The following IRX3 variants were observed in gnomAD, a reference collection of about 807,000 sequenced individuals.
IRX3 encodes the protein iroquois-class homeodomain protein IRX-3.
IRX3 carries 20 observed loss-of-function variants against 36.4 expected under a neutral mutation model. The ratio of observed to expected loss-of-function variants is 0.55; its 90% CI spans 0.39 to 0.80. IRX3 has a LOEUF of 0.80. Among genes scored for constraint, IRX3 ranks in the 30% least tolerant of loss-of-function variants. The pLI, the probability that IRX3 is intolerant of heterozygous loss-of-function variation, is 0.00. For synonymous variants in IRX3, 404 were observed against 351.6 expected (o/e 1.15, Z -1.67); for missense variants, 718 against 733.2 (o/e 0.98, Z 0.24).
chr16:54,285,968 C>T lies in IRX3; in HGVS notation c.83G>A (p.Gly28Asp). 1 of 1,388,708 alleles carries T rather than the reference C, an allele frequency of 7.2e-7. No individual in the cohort carries two copies. The highest frequency in any genetic ancestry group is 3.6e-5 in the Admixed American group (1 of 27,398). 86.0% of individuals were successfully genotyped at this position (1,388,708 alleles called of 1,614,324 possible). Reference sequence around the variant, plus strand: ...CAGGCCGCCCCGGGCCCCCGCGCTGCCGCCGCTGCCGCCAGCGGCCCCCGG... The same window carrying T: ...CAGGCCGCCCCGGGCCCCCGCGCTGTCGCCGCTGCCGCCAGCGGCCCCCGG... ...ERPGAAGGSGGSAGARGGLGA... is the reference protein window; with the variant it reads ...ERPGAAGGSGDSAGARGGLGA... The change falls in exon 1 of 4, where the codon GGC (glycine) becomes GAC (aspartate). Residue 28 changes from glycine (G) to aspartate (D), a missense_variant. Transcript: ENST00000329734. This position sits in a 1 kb window ranked among gnomAD's most constrained non-coding sequence, Gnocchi z 5.7.
chr16:54,284,180 T>C lies in IRX3; in HGVS notation c.1451+66A>G. The C allele has an allele frequency of 6.9e-7, 1 of 1,459,388 alleles. No homozygotes were observed. The highest frequency in any genetic ancestry group is 9.5e-7 in the Non-Finnish European group (1 of 1,052,538). 90.4% of individuals were successfully genotyped at this position (1,459,388 alleles called of 1,614,324 possible). On this transcript the variant is annotated intron_variant, in intron 3 of 3. Coordinates refer to ENST00000329734, the MANE Select transcript of IRX3 (RefSeq NM_024336.3). The surrounding 1 kb of genome is among the most constrained non-coding windows in gnomAD (Gnocchi z 4.0). ...CCCCGGGGCAAAAGGCCGTGCGTGG[T>C]GCTCGGCGTCCTCTCCTTTCCCCGC...
Position 54,285,057 on chromosome 16 carries a change from C to A in IRX3, c.824G>T (p.Arg275Leu), listed in dbSNP as rs1412690265. Residue 275 changes from arginine (R) to leucine (L), a missense_variant, in exon 2 of 4, where the codon CGC becomes CTC. By Grantham distance (102) the Arg-to-Leu change is moderately radical (BLOSUM62 -2). Around this residue, in one of 3 missense-constraint regions of IRX3, gnomAD observed 468 missense variants for 462.1 expected, o/e 1.01. Coordinates refer to ENST00000329734, the MANE Select transcript of IRX3 (RefSeq NM_024336.3). The surrounding 1 kb of genome is among the most constrained non-coding windows in gnomAD (Gnocchi z 5.7). ...EPELSLAGAA[R>L]RDGDLGLGPI... ...TCCCAGGCCTAGGTCGCCATCCCTG[C>A]GCGCCGCCCCAGCCAGGGACAGCTC... 6.2e-7 allele frequency: 1 copy of A among 1,613,884 alleles called. No homozygotes were observed.
In IRX3 at chr16:54,284,656, T is replaced by A; in HGVS notation, c.1225A>T (p.Thr409Ser). The change falls in exon 2 of 4, where the codon ACC (threonine) becomes TCC (serine). Residue 409 changes from threonine (T) to serine (S), a missense_variant. Transcript: ENST00000329734. The surrounding 1 kb of genome is among the most constrained non-coding windows in gnomAD (Gnocchi z 4.0). The part of the protein sequence containing the change: ...SAPLGKFPAW[T>S]NRPFPGPPPG... ...GGTGGGCCTGGAAACGGCCGGTTGG[T>A]CCAAGCCGGGAACTTGCCCAGCGGC... 7.2e-7 allele frequency: 1 copy of A among 1,392,202 alleles called. No homozygotes were observed. The highest frequency in any genetic ancestry group is 9.2e-7 in the Non-Finnish European group (1 of 1,086,358). 86.2% of individuals were successfully genotyped at this position (1,392,202 alleles called of 1,614,324 possible).
Position 54,286,377 on chromosome 16 carries a change from CCG to C in IRX3, c.-329_-328del. 5.1e-6 allele frequency: 5 copies of C among 987,162 alleles called. No individual in the cohort carries two copies. The highest frequency in any genetic ancestry group is 4.8e-6 in the Non-Finnish European group (4 of 831,282). 61.2% of individuals were successfully genotyped at this position (987,162 alleles called of 1,614,324 possible). On this transcript the variant is annotated 5_prime_UTR_variant, in exon 1 of 4. Transcript: ENST00000329734. The stretch of plus-strand genomic sequence containing the variant: ...TCTCGGCCGCCGGAGCTGCCTCTGC[CCG>C]CTCCTCGCTCCTCACTGCCCTCCTC...
In IRX3 at chr16:54,285,254, C is replaced by A. The variant is rs1408569958; in HGVS notation, c.627G>T (p.Glu209Asp). ...CCTCCTCTTCGTCTTCCTCCTCGCG[C>A]TCGCTCCCATAAGCGTTTCCCTCCT... is the stretch of plus-strand genomic sequence containing the variant. ...TDEEGNAYGS[E>D]REEEDEEEDE... The change falls in exon 2 of 4, where the codon GAG becomes GAT. Residue 209 changes from glutamate to aspartate, a missense_variant. Glu to Asp is a conservative substitution (Grantham distance 45). This residue lies in a region of IRX3 where 468 missense variants were observed against 462.1 expected (regional missense o/e 1.01). Coordinates refer to ENST00000329734, the MANE Select transcript of IRX3 (RefSeq NM_024336.3). This position sits in a 1 kb window ranked among gnomAD's most constrained non-coding sequence, Gnocchi z 5.7. 2 of 1,613,708 alleles carry A rather than the reference C, an allele frequency of 1.2e-6. No homozygotes were observed. The highest frequency in any genetic ancestry group is 1.7e-6 in the Non-Finnish European group (2 of 1,179,926).
Position 54,286,350 on chromosome 16 carries a change from C to G in IRX3, c.-300G>C. On this transcript the variant is annotated 5_prime_UTR_variant, in exon 1 of 4. Transcript: ENST00000329734. Reference sequence around the variant, plus strand: ...CCCTCCTCTCTGCGCCGCGCTCCCTCCTCTCGGCCGCCGGAGCTGCCTCTG... The same window carrying G: ...CCCTCCTCTCTGCGCCGCGCTCCCTGCTCTCGGCCGCCGGAGCTGCCTCTG... 1.0e-6 allele frequency: 1 copy of G among 988,558 alleles called. No individual in the cohort carries two copies. The highest frequency in any genetic ancestry group is 1.2e-6 in the Non-Finnish European group (1 of 832,276). The allele number at this position is 988,558 out of a possible 1,614,324, so 61.2% of individuals were successfully genotyped here.
At position 54,286,440 on chromosome 16, in the gene IRX3, C is replaced by T. The variant is rs1372190518; in HGVS notation, c.-390G>A. 1.0e-6 allele frequency: 1 copy of T among 972,928 alleles called. No individual in the cohort carries two copies. The highest frequency in any genetic ancestry group is 1.2e-6 in the Non-Finnish European group (1 of 818,522). 60.3% of individuals were successfully genotyped at this position (972,928 alleles called of 1,614,324 possible). ...TGTCGCGCCTCGCTTCCTTCGCCCT[C>T]CTCTAGTTTTCACTCCCCCTCCTCG... On this transcript the variant is annotated 5_prime_UTR_variant, in exon 1 of 4. Transcript: ENST00000329734.
rs1901334102 is a variant in IRX3, at chr16:54,286,131, C to T, written c.-81G>A. 1 of 1,161,186 alleles carries T rather than the reference C, an allele frequency of 8.6e-7. No homozygotes were observed. Among genetic ancestry groups the T allele is most frequent in the African/African-American group, 1.6e-5 (1 of 61,162 alleles). The allele number at this position is 1,161,186 out of a possible 1,614,324, so 71.9% of individuals were successfully genotyped here. A position where few individuals can be genotyped will look rare whatever the true frequency, so the allele number is the denominator to read the frequency against. ...AGCGCCGCCCGCGGGCTCCGGCGCG[C>T]ATCGGGGGCTGGGCCGGGCTTGGGG... is the stretch of plus-strand genomic sequence containing the variant. On this transcript the variant is annotated 5_prime_UTR_variant, in exon 1 of 4. It removes an upstream start codon present in the reference 5' UTR. Transcript: ENST00000329734.
At position 54,285,610 on chromosome 16, in the gene IRX3, C is replaced by A; in HGVS notation, c.271G>T (p.Ala91Ser). 6.6e-7 allele frequency: 1 copy of A among 1,516,342 alleles called. No individual in the cohort carries two copies. The allele number at this position is 1,516,342 out of a possible 1,614,324, so 93.9% of individuals were successfully genotyped here. A position where few individuals can be genotyped will look rare whatever the true frequency, so the allele number is the denominator to read the frequency against. Reference sequence around the variant, plus strand: ...GGGCTGTCCTTCAGCTCATACTGCGCGCCCTGTACGCACATGGAGAAGGAA... The same window carrying A: ...GGGCTGTCCTTCAGCTCATACTGCGAGCCCTGTACGCACATGGAGAAGGAA... ...AELPIFPQLG[A>S]QYELKDSPGV... The change falls in exon 2 of 4, where the codon GCG (alanine) becomes TCG (serine). Residue 91 changes from alanine to serine, a missense_variant. Transcript: ENST00000329734. The surrounding 1 kb of genome is among the most constrained non-coding windows in gnomAD (Gnocchi z 5.7).
rs754047258 is a variant in IRX3 at position 54,284,344 on chromosome 16, C to A, written c.1385-32G>T. ...GAAGCGGGGGAAGAAAAAGGAGGGC[C>A]TTTAGAGCGCTCGGTGCCGGCGCCC... is the stretch of plus-strand genomic sequence containing the variant. On this transcript the variant is annotated intron_variant, in intron 2 of 3. Coordinates refer to ENST00000329734, the MANE Select transcript of IRX3 (RefSeq NM_024336.3). The surrounding 1 kb of genome is among the most constrained non-coding windows in gnomAD (Gnocchi z 4.0). 5 of 1,587,498 alleles carry A rather than the reference C, an allele frequency of 3.1e-6. No individual in the cohort carries two copies. The highest frequency in any genetic ancestry group is 4.3e-6 in the Non-Finnish European group (5 of 1,169,682).
In IRX3 at chr16:54,285,136, C is replaced by G. The variant is rs1901291076; in HGVS notation, c.745G>C (p.Asp249His). Residue 249 changes from aspartate to histidine, a missense_variant, in exon 2 of 4, where the codon GAC (aspartate) becomes CAC (histidine). Around this residue, in one of 3 missense-constraint regions of IRX3, gnomAD observed 468 missense variants for 462.1 expected, o/e 1.01. Coordinates refer to ENST00000329734, the MANE Select transcript of IRX3 (RefSeq NM_024336.3). The surrounding 1 kb of genome is among the most constrained non-coding windows in gnomAD (Gnocchi z 5.7). Reference sequence around the variant, plus strand: ...TCCAAATCGATCTCCTCGTCCTCGTCGTCGTCAGCCAGGCCCTCGCCCCCC... The same window carrying G: ...TCCAAATCGATCTCCTCGTCCTCGTGGTCGTCAGCCAGGCCCTCGCCCCCC... ...DTGGEGLADDDEDEEIDLENL... is the reference protein window; with the variant it reads ...DTGGEGLADDHEDEEIDLENL... 1 of 1,612,208 alleles carries G rather than the reference C, an allele frequency of 6.2e-7. No individual in the cohort carries two copies. Among genetic ancestry groups the G allele is most frequent in the Non-Finnish European group, 8.5e-7 (1 of 1,179,350 alleles).
Position 54,284,358 on chromosome 16 carries a change from G to A in IRX3, c.1385-46C>T, listed in dbSNP as rs1355449773. On this transcript the variant is annotated intron_variant, in intron 2 of 3. Transcript: ENST00000329734. This position sits in a 1 kb window ranked among gnomAD's most constrained non-coding sequence, Gnocchi z 4.0. ...AAAAGGAGGGCCTTTAGAGCGCTCG[G>A]TGCCGGCGCCCAGGGCCGCAGAAAG... The A allele has an allele frequency of 6.4e-7, 1 of 1,573,720 alleles. No homozygotes were observed. The highest frequency in any genetic ancestry group is 8.6e-7 in the Non-Finnish European group (1 of 1,163,696).
Position 54,285,596 on chromosome 16 carries a change from C to T in IRX3, c.285G>A (p.Leu95=). The change falls in exon 2 of 4, where the codon CTG becomes CTA. Residue 95 remains leucine (L), a synonymous_variant. Transcript: ENST00000329734. This position sits in a 1 kb window ranked among gnomAD's most constrained non-coding sequence, Gnocchi z 5.7. The part of the protein sequence containing the change: ...IFPQLGAQYE[L]KDSPGVQHPA... ...GATGCTGCACCCCGGGGCTGTCCTT[C>T]AGCTCATACTGCGCGCCCTGTACGC... The T allele has an allele frequency of 6.5e-7, 1 of 1,544,890 alleles. No homozygotes were observed.
At position 54,284,275 on chromosome 16, in the gene IRX3, G is replaced by A. The variant is rs1901254467; in HGVS notation, c.1422C>T (p.Leu474=). The part of the protein sequence containing the change: ...CSALEVEKKL[L]KTAFQPVPRR... ...TGGGCACGGGCTGGAAAGCTGTCTT[G>A]AGTAACTTTTTCTCCACTTCCAAGG... Residue 474 remains leucine (L), a synonymous_variant, in exon 3 of 4, where the codon CTC becomes CTT. Transcript: ENST00000329734. This position sits in a 1 kb window ranked among gnomAD's most constrained non-coding sequence, Gnocchi z 4.0. The A allele has an allele frequency of 6.2e-7, 1 of 1,612,352 alleles. No individual in the cohort carries two copies. The highest frequency in any genetic ancestry group is 1.7e-5 in the Admixed American group (1 of 59,830).
Position 54,285,161 on chromosome 16 carries a change from CGTG to C in IRX3, c.717_719del (p.Asp239_Thr240delinsGlu), listed in dbSNP as rs753712248. 4.4e-6 allele frequency: 7 copies of C among 1,606,720 alleles called. No homozygotes were observed. In the East Asian group the frequency reaches 1.6e-4, roughly 36 times the overall value. On this transcript the variant is annotated inframe_deletion, in exon 2 of 4. Coordinates refer to ENST00000329734, the MANE Select transcript of IRX3 (RefSeq NM_024336.3). The surrounding 1 kb of genome is among the most constrained non-coding windows in gnomAD (Gnocchi z 5.7). Reference sequence around the variant, plus strand: ...CGTCGTCAGCCAGGCCCTCGCCCCCCGTGTCCTCCTCCTCCCCCCCGAGCTCCT... The same window carrying C: ...CGTCGTCAGCCAGGCCCTCGCCCCCCTCCTCCTCCTCCCCCCCGAGCTCCT...
chr16:54,284,963 C>T lies in IRX3; in HGVS notation c.918G>A (p.Pro306=). ...SSEGLEDRPL[P]VLSLAPAPPP... ...GTGGCGCTGGAGCCAGACTCAGGAC[C>T]GGTAGTGGCCGGTCCTCTAAGCCCT... is the stretch of plus-strand genomic sequence containing the variant. Residue 306 remains proline (P), a synonymous_variant, in exon 2 of 4, where the codon CCG becomes CCA. Coordinates refer to ENST00000329734, the MANE Select transcript of IRX3 (RefSeq NM_024336.3). This position sits in a 1 kb window ranked among gnomAD's most constrained non-coding sequence, Gnocchi z 4.0. 2 of 1,611,026 alleles carry T rather than the reference C, an allele frequency of 1.2e-6. No individual in the cohort carries two copies. The highest frequency in any genetic ancestry group is 1.7e-6 in the Non-Finnish European group (2 of 1,179,216).
Position 54,284,973 on chromosome 16 carries a change from C to T in IRX3, c.908G>A (p.Arg303Gln), listed in dbSNP as rs763831741. 2.5e-6 allele frequency: 4 copies of T among 1,612,256 alleles called. No homozygotes were observed. Among genetic ancestry groups the T allele is most frequent in the African/African-American group, 2.7e-5 (2 of 74,876 alleles). ...AGCCAGACTCAGGACCGGTAGTGGC[C>T]GGTCCTCTAAGCCCTCAGAGCTATC... Reference protein sequence around the residue: ...SEDSSEGLEDRPLPVLSLAPA... With the variant: ...SEDSSEGLEDQPLPVLSLAPA... The change falls in exon 2 of 4, where the codon CGG (arginine) becomes CAG (glutamine). Residue 303 changes from arginine to glutamine, a missense_variant. By Grantham distance (43) the Arg-to-Gln change is conservative (BLOSUM62 1). Coordinates refer to ENST00000329734, the MANE Select transcript of IRX3 (RefSeq NM_024336.3). The surrounding 1 kb of genome is among the most constrained non-coding windows in gnomAD (Gnocchi z 4.0).
At position 54,284,626 on chromosome 16, in the gene IRX3, C is replaced by G. The variant is rs754623723; in HGVS notation, c.1255G>C (p.Gly419Arg). 26 of 1,369,742 alleles carry G rather than the reference C, an allele frequency of 1.9e-5. No individual in the cohort carries two copies. The highest frequency in any genetic ancestry group is 2.2e-5 in the Non-Finnish European group (24 of 1,070,664). 84.8% of individuals were successfully genotyped at this position (1,369,742 alleles called of 1,614,324 possible). A position where few individuals can be genotyped will look rare whatever the true frequency, so the allele number is the denominator to read the frequency against. ...AGGGAGAGCGGGTGCAGGCGGGGGC[C>G]GGGCGGTGGGCCTGGAAACGGCCGG... Reference protein sequence around the residue: ...TNRPFPGPPPGPRLHPLSLLG... With the variant: ...TNRPFPGPPPRPRLHPLSLLG... Residue 419 changes from glycine (G) to arginine (R), a missense_variant, in exon 2 of 4, where the codon GGC (glycine) becomes CGC (arginine). Coordinates refer to ENST00000329734, the MANE Select transcript of IRX3 (RefSeq NM_024336.3). This position sits in a 1 kb window ranked among gnomAD's most constrained non-coding sequence, Gnocchi z 4.0.
rs2144733049 is a variant in IRX3 at position 54,286,205 on chromosome 16, T to C, written c.-155A>G. On this transcript the variant is annotated 5_prime_UTR_variant, in exon 1 of 4. Transcript: ENST00000329734. ...TGTGCTCCGCGTTCGCCTATTGATC[T>C]GCTCCGCGGCGGCGACGGCGGCGGC... The C allele has an allele frequency of 2.0e-6, 2 of 1,021,086 alleles. No individual in the cohort carries two copies. The highest frequency in any genetic ancestry group is 1.0e-4 in the East Asian group (1 of 9,914). 63.3% of individuals were successfully genotyped at this position (1,021,086 alleles called of 1,614,324 possible).
Sources: gnomAD v4.1 joint callset for allele counts on GRCh38, gnomAD v4.1.1 for gene constraint, gnomAD v4.1.1 regional missense constraint, Gnocchi (gnomAD v3.1) non-coding constraint, MANE v1.5 for transcripts, NCBI Gene and HGNC (gene_info 2026-07-23, HGNC 2026-07-21) for gene names.